ETFA: variants seen among roughly 807,000 people sequenced by gnomAD.
The protein encoded by ETFA is electron transfer flavoprotein subunit alpha, also known as electron transfer flavoprotein subunit alpha, mitochondrial.
In ETFA, 22 loss-of-function variants were observed where a neutral mutation model predicts 46.2. The observed-to-expected ratio is 0.48, with a 90% CI of 0.34 to 0.68. The LOEUF (loss-of-function observed/expected upper bound fraction) is 0.68. ETFA is among the 30% of genes least tolerant of loss of function. The pLI is 0.01. For synonymous variants in ETFA, 131 were observed against 139.9 expected, an observed-to-expected ratio of 0.94 and a Z score of 0.45; for missense variants, 345 against 401.1, an observed-to-expected ratio of 0.86 and a Z score of 1.19.
chr15:76,243,858 C>T (rs906649143), intron 9 of ETFA, among the ~76,000 whole-genome samples: 6 of 151,780 alleles, frequency 4.0e-5, no homozygotes, highest in South Asian at 2.1e-4. Flanking sequence ...AATCCAAAAC[C>T]GTTCTCAAAA....
intron 9 of ETFA, among the ~76,000 whole-genome samples, chr15:76,252,589 ATCCCTT>A (rs2039308967): frequency 6.6e-6 from 1 of 152,206 alleles, no homozygotes; most frequent in Non-Finnish European, 1.5e-5. Context: ...ACCAAGAACC[ATCCCTT>A]ACCACAACCA....
At chr15:76,240,909 A>AC (rs1312023454) in intron 9 of ETFA, among the ~76,000 whole-genome samples, 4 of 151,248 alleles carry the variant, frequency 2.6e-5, no homozygotes, top group Non-Finnish European at 5.9e-5. Context: ...ATAAGACCCC[A>AC]CCTCTAAAAA....
intron 9 of ETFA, among the ~76,000 whole-genome samples, chr15:76,262,988 C>T (rs764888381): frequency 3.3e-5 from 5 of 152,144 alleles, no homozygotes; most frequent in Non-Finnish European, 7.3e-5. Flanking sequence ...CCCCGGTAGG[C>T]ACCAGTGGCC....
At chr15:76,265,570 A>C (rs1295892401) in intron 9 of ETFA, among the ~76,000 whole-genome samples, 3 of 152,198 alleles carry the variant, frequency 2.0e-5, no homozygotes, top group South Asian at 2.1e-4. Flanking sequence ...ACTTGCCCAG[A>C]CAAAAGACTT....
intron 10 of ETFA, among the ~76,000 whole-genome samples, chr15:76,229,659 G>A (rs2141461538): frequency 6.6e-6 from 1 of 152,198 alleles, no homozygotes; most frequent in South Asian, 2.1e-4. Flanking sequence ...CATTGGCACT[G>A]CTGTTTTCAT....
At chr15:76,230,929 C>G (rs1170862649) in intron 10 of ETFA, 1 of 178,322 alleles carries the variant, frequency 5.6e-6, no homozygotes, top group Non-Finnish European at 1.2e-5. Flanking sequence ...AATCAGGGAT[C>G]AAAACCTCAA....
intron 9 of ETFA, chr15:76,260,884 C>A: frequency 6.2e-6 from 10 of 1,611,948 alleles, no homozygotes; most frequent in Non-Finnish European, 8.5e-6. Flanking sequence ...ACAAGGACCA[C>A]AACAGCCAGG....
At chr15:76,260,329 A>C (rs2039395557) in intron 9 of ETFA, 2 of 1,335,628 alleles carry the variant, frequency 1.5e-6, no homozygotes, top group East Asian at 4.6e-5. Flanking sequence ...CCTTGCCCAA[A>C]CCACGTCTCT....
At chr15:76,277,660 G>C (rs1406360712) in intron 8 of ETFA, among the ~76,000 whole-genome samples, 1 of 152,100 alleles carries the variant, frequency 6.6e-6, no homozygotes, top group East Asian at 1.9e-4. Context: ...GTGCTGCCAC[G>C]CCCAACTAAT....
intron 9 of ETFA, among the ~76,000 whole-genome samples, chr15:76,271,169 C>CA (rs35403723): frequency 0.048 from 2,662 of 55,502 alleles, 74 homozygotes; most frequent in African/African-American, 0.1. Context: ...GACTATGTCT[C>CA]AAAAAAAAAA....
chr15:76,286,355 C>A lies in ETFA; in HGVS notation c.562+16G>T, dbSNP rs2141531505. The A allele has an allele frequency of 6.6e-7, 1 of 1,515,922 alleles. No individual in the cohort carries two copies. The highest frequency in any genetic ancestry group is 9.1e-7 in the Non-Finnish European group (1 of 1,093,220). 93.9% of individuals were successfully genotyped at this position (1,515,922 alleles called of 1,614,324 possible). ...AAGTAAGAAACAAAACAAAAAAACT[C>A]CAAATGAACACTCACCCTTTTCTGA... is the stretch of plus-strand genomic sequence containing the variant. On this transcript the variant is annotated intron_variant, in intron 6 of 11. Coordinates refer to ENST00000557943, the MANE Select transcript of ETFA (RefSeq NM_000126.4).
intron 1 of ETFA, among the ~76,000 whole-genome samples, chr15:76,296,991 C>A (rs542240111): frequency 9.2e-5 from 14 of 152,284 alleles, no homozygotes; most frequent in African/African-American, 3.1e-4. Context: ...AAAATAAAAT[C>A]TTGGAACTAT....
intron 10 of ETFA, chr15:76,228,159 C>A (rs2039024452): frequency 2.7e-6 from 1 of 364,998 alleles, no homozygotes; most frequent in Admixed American, 3.7e-5. Flanking sequence ...CATCCGAAAG[C>A]TTTTTCATTA....
In ETFA at chr15:76,269,892, C is replaced by T. The variant is rs577973045; in HGVS notation, c.816+4520G>A. ...TAAAGGAATATATAAAATATGTCTACAACTCAATAATGAAAACAAGCAATT... is the reference window on the plus strand; with the variant it reads ...TAAAGGAATATATAAAATATGTCTATAACTCAATAATGAAAACAAGCAATT... On this transcript the variant is annotated intron_variant, in intron 9 of 11. Transcript: ENST00000557943. Among the ~76,000 whole-genome samples the T allele has an allele frequency of 1.3e-4, 20 of 152,186 alleles. No homozygotes were observed. The South Asian group carries it at 2.5e-3, about 19-fold the overall frequency.
intron 2 of ETFA, 73 bp from the exon 3 acceptor site, chr15:76,292,773 C>A (rs1428022640): frequency 1.0e-6 from 1 of 1,004,580 alleles, no homozygotes; most frequent in African/African-American, 1.6e-5. Context: ...CTATAAATAT[C>A]AACAGATCAT....
intron 9 of ETFA, among the ~76,000 whole-genome samples, chr15:76,264,756 G>A (rs901563063): frequency 9.2e-5 from 14 of 152,312 alleles, no homozygotes; most frequent in Middle Eastern, 3.4e-3. Flanking sequence ...TTTAGCTAAG[G>A]CTATGGCTGG....
At chr15:76,258,037 G>T (rs1423595974) in intron 9 of ETFA, among the ~76,000 whole-genome samples, 1 of 115,148 alleles carries the variant, frequency 8.7e-6, no homozygotes, top group Non-Finnish European at 1.8e-5. Context: ...GGGGAGGGGG[G>T]GAGGGTTAGC....
intron 1 of ETFA, among the ~76,000 whole-genome samples, chr15:76,302,066 ACT>A (rs2039884742): frequency 6.6e-6 from 1 of 152,166 alleles, no homozygotes; most frequent in Non-Finnish European, 1.5e-5. Context: ...AACAACAGAA[ACT>A]CTCATTCATT....
chr15:76,252,383 G>T (rs574918058), intron 9 of ETFA, among the ~76,000 whole-genome samples: 9 of 152,098 alleles, frequency 5.9e-5, no homozygotes, highest in African/African-American at 2.2e-4. Context: ...CTCTCACCTC[G>T]TTTCAGCCTA....
Sources: allele counts gnomAD v4.1 joint callset (sites outside exome capture counted in the v4.1 genomes callset), GRCh38; gene constraint gnomAD v4.1.1; transcripts MANE v1.5; gene names NCBI Gene and HGNC (gene_info 2026-07-23, HGNC 2026-07-21).